P2RY1: variants seen among roughly 807,000 people sequenced by gnomAD.
P2RY1 encodes the protein P2Y purinoceptor 1.
A neutral mutation model predicts 22.8 loss-of-function variants in P2RY1; 14 were observed. That is an observed-to-expected ratio of 0.61 (90% CI 0.41 to 0.96). The LOEUF (loss-of-function observed/expected upper bound fraction) is 0.96. P2RY1 is among the 40% of genes least tolerant of loss of function. The pLI is 0.00. For synonymous variants in P2RY1, 200 were observed against 195.1 expected, an observed-to-expected ratio of 1.03 and a Z score of -0.21; for missense variants, 395 against 470.3, an observed-to-expected ratio of 0.84 and a Z score of 1.48.
rs766553956 is a variant in P2RY1, at chr3:152,835,802, C to T, written c.20C>T (p.Pro7Leu). The change falls in exon 1 of 1, where the codon CCG (proline) becomes CTG (leucine). Residue 7 changes from proline to leucine, a missense_variant. Pro to Leu is a moderately conservative substitution (Grantham distance 98). Transcript: ENST00000305097. MTEVLW[P>L]AVPNGTDAAF... ...GAGAGAATGACCGAGGTGCTGTGGC[C>T]GGCTGTCCCCAACGGGACGGACGCT... 1.2e-6 allele frequency: 2 copies of T among 1,606,398 alleles called. No individual in the cohort carries two copies. The highest frequency in any genetic ancestry group is 1.7e-6 in the Non-Finnish European group (2 of 1,177,748).
In P2RY1 at chr3:152,835,721, C is replaced by A; in HGVS notation, c.-62C>A. The A allele has an allele frequency of 1.4e-6, 2 of 1,460,574 alleles. No homozygotes were observed. Among genetic ancestry groups the A allele is most frequent in the East Asian group, 2.3e-5 (1 of 43,352 alleles). 90.5% of individuals were successfully genotyped at this position (1,460,574 alleles called of 1,614,324 possible). ...TTCCGATGCTTGCTGCGCCCCTGGC[C>A]GCCGCTGCCCTCTCGCCGCCTCCTA... On this transcript the variant is annotated 5_prime_UTR_variant, in exon 1 of 1. Transcript: ENST00000305097.
rs1716129916 is a variant in P2RY1, at chr3:152,835,595, T to C, written c.-188T>C. The C allele has an allele frequency of 6.8e-6, 4 of 588,186 alleles. No homozygotes were observed. The Admixed American group carries it at 1.4e-4, about 21-fold the overall frequency. 36.4% of individuals were successfully genotyped at this position (588,186 alleles called of 1,614,324 possible). A position where few individuals can be genotyped will look rare whatever the true frequency, so the allele number is the denominator to read the frequency against. On this transcript the variant is annotated 5_prime_UTR_variant, in exon 1 of 1. An upstream start codon of the reference 5' UTR is lost. Coordinates refer to ENST00000305097, the MANE Select transcript of P2RY1 (RefSeq NM_002563.5). The stretch of plus-strand genomic sequence containing the variant: ...CGGTGGCGGCCCGGGGCGGATTTCA[T>C]GGCCCGCGGCGAACGCGGGGCCAGA...
At position 152,836,693 on chromosome 3, in the gene P2RY1, C is replaced by T. The variant is rs868057570; in HGVS notation, c.911C>T (p.Ala304Val). The T allele has an allele frequency of 6.2e-7, 1 of 1,614,054 alleles. No individual in the cohort carries two copies. Among genetic ancestry groups the T allele is most frequent in the South Asian group, 1.1e-5 (1 of 91,072 alleles). Residue 304 changes from alanine to valine, a missense_variant, in exon 1 of 1, where the codon GCC becomes GTC. Physicochemically the swap from Ala to Val is moderately conservative, Grantham distance 64. This residue lies in a region of P2RY1 where 291 missense variants were observed against 361.6 expected (regional missense o/e 0.80). Coordinates refer to ENST00000305097, the MANE Select transcript of P2RY1 (RefSeq NM_002563.5). This position sits in a 1 kb window ranked among gnomAD's most constrained non-coding sequence, Gnocchi z 5.6. ...TGTGCTTTCAATGACAGGGTTTATG[C>T]CACGTATCAGGTGACAAGAGGTCTA... is the stretch of plus-strand genomic sequence containing the variant. ...AMCAFNDRVY[A>V]TYQVTRGLAS...
In P2RY1 at chr3:152,836,605, C is replaced by G; in HGVS notation, c.823C>G (p.Pro275Ala). 1 of 1,614,166 alleles carries G rather than the reference C, an allele frequency of 6.2e-7. No homozygotes were observed. The highest frequency in any genetic ancestry group is 8.5e-7 in the Non-Finnish European group (1 of 1,180,036). Residue 275 changes from proline (P) to alanine (A), a missense_variant, in exon 1 of 1, where the codon CCT (proline) becomes GCT (alanine). Physicochemically the swap from Pro to Ala is conservative, Grantham distance 27. Transcript: ENST00000305097. The surrounding 1 kb of genome is among the most constrained non-coding windows in gnomAD (Gnocchi z 5.6). ...GACTGTTTTTGCTGTGTCTTACATC[C>G]CTTTCCATGTGATGAAAACGATGAA... is the stretch of plus-strand genomic sequence containing the variant. ...VLTVFAVSYI[P>A]FHVMKTMNLR...
At position 152,837,922 on chromosome 3, in the gene P2RY1, T is replaced by C. The variant is rs982489769; in HGVS notation, c.*1018T>C. On this transcript the variant is annotated 3_prime_UTR_variant, in exon 1 of 1. Transcript: ENST00000305097. Reference sequence around the variant, plus strand: ...ATCCACAAGGCATAGCCTCCAAGTATACTCTCAAATGTATGAAGCAACTGG... The same window carrying C: ...ATCCACAAGGCATAGCCTCCAAGTACACTCTCAAATGTATGAAGCAACTGG... 6.0e-6 allele frequency: 1 copy of C among 167,112 alleles called. No individual in the cohort carries two copies. Among genetic ancestry groups the C allele is most frequent in the East Asian group, 1.9e-4 (1 of 5,208 alleles). The allele number at this position is 167,112 out of a possible 1,614,324, so 10.4% of individuals were successfully genotyped here.
At position 152,836,037 on chromosome 3, in the gene P2RY1, C is replaced by T. The variant is rs1308895115; in HGVS notation, c.255C>T (p.Gly85=). The T allele has an allele frequency of 3.7e-6, 6 of 1,614,216 alleles. No individual in the cohort carries two copies. Among genetic ancestry groups the T allele is most frequent in the Non-Finnish European group, 5.1e-6 (6 of 1,180,046 alleles). Residue 85 remains glycine, a synonymous_variant, in exon 1 of 1, where the codon GGC becomes GGT. Transcript: ENST00000305097. The surrounding 1 kb of genome is among the most constrained non-coding windows in gnomAD (Gnocchi z 5.6). ...MFVFHMKPWS[G]ISVYMFNLAL... ...TCTTCCACATGAAGCCCTGGAGCGG[C>T]ATCTCCGTGTACATGTTCAATTTGG...
At position 152,836,233 on chromosome 3, in the gene P2RY1, A is replaced by G. The variant is rs192495664; in HGVS notation, c.451A>G (p.Ser151Gly). The part of the protein sequence containing the change: ...FLTCISAHRY[S>G]GVVYPLKSLG... Reference sequence around the variant, plus strand: ...GACATGCATCAGTGCCCACCGGTACAGCGGTGTGGTGTACCCCCTCAAGTC... The same window carrying G: ...GACATGCATCAGTGCCCACCGGTACGGCGGTGTGGTGTACCCCCTCAAGTC... The change falls in exon 1 of 1, where the codon AGC (serine) becomes GGC (glycine). Residue 151 changes from serine to glycine, a missense_variant. Coordinates refer to ENST00000305097, the MANE Select transcript of P2RY1 (RefSeq NM_002563.5). This position sits in a 1 kb window ranked among gnomAD's most constrained non-coding sequence, Gnocchi z 5.6. The G allele has an allele frequency of 1.2e-6, 2 of 1,614,012 alleles. No individual in the cohort carries two copies. Among genetic ancestry groups the G allele is most frequent in the Non-Finnish European group, 8.5e-7 (1 of 1,180,022 alleles).
chr3:152,836,861 A>G lies in P2RY1; in HGVS notation c.1079A>G (p.Asn360Ser), dbSNP rs200589001. The G allele has an allele frequency of 3.8e-5, 61 of 1,613,030 alleles. No homozygotes were observed. Among genetic ancestry groups the G allele is most frequent in the Non-Finnish European group, 5.1e-5 (60 of 1,179,754 alleles). ...LQSKSEDMTL[N>S]ILPEFKQNGD... ...TCCAAGAGTGAAGACATGACCCTCA[A>G]TATTTTACCTGAGTTCAAGCAGAAT... Residue 360 changes from asparagine (N) to serine (S), a missense_variant, in exon 1 of 1, where the codon AAT becomes AGT. Around this residue, in one of 3 missense-constraint regions of P2RY1, gnomAD observed 291 missense variants for 361.6 expected, o/e 0.80. Coordinates refer to ENST00000305097, the MANE Select transcript of P2RY1 (RefSeq NM_002563.5). The surrounding 1 kb of genome is among the most constrained non-coding windows in gnomAD (Gnocchi z 5.6).
At position 152,836,386 on chromosome 3, in the gene P2RY1, T is replaced by A; in HGVS notation, c.604T>A (p.Cys202Ser). Residue 202 changes from cysteine (C) to serine (S), a missense_variant, in exon 1 of 1, where the codon TGT becomes AGT. Cys to Ser is a moderately radical substitution (Grantham distance 112, BLOSUM62 -1). This residue lies in a region of P2RY1 where 291 missense variants were observed against 361.6 expected (regional missense o/e 0.80). Transcript: ENST00000305097. This position sits in a 1 kb window ranked among gnomAD's most constrained non-coding sequence, Gnocchi z 5.6. ...TGVRKNKTIT[C>S]YDTTSDEYLR... ...GGTCCGCAAAAACAAAACCATCACC[T>A]GTTACGACACCACCTCAGACGAGTA... 6.2e-7 allele frequency: 1 copy of A among 1,614,150 alleles called. No homozygotes were observed. The highest frequency in any genetic ancestry group is 1.3e-5 in the African/African-American group (1 of 75,026).
rs917196417 is a variant in P2RY1, at chr3:152,840,271, A to G, written c.*3367A>G. 1.3e-5 allele frequency: 2 copies of G among 152,182 alleles called. No individual in the cohort carries two copies. The highest frequency in any genetic ancestry group is 2.9e-5 in the Non-Finnish European group (2 of 68,012). The allele number at this position is 152,182 out of a possible 1,614,324, so 9.4% of individuals were successfully genotyped here. A position where few individuals can be genotyped will look rare whatever the true frequency, so the allele number is the denominator to read the frequency against. Reference sequence around the variant, plus strand: ...TTTAAGTCTTCACATTTTTTGGTCTAAAATATGAAAATGTTTCATGATACA... The same window carrying G: ...TTTAAGTCTTCACATTTTTTGGTCTGAAATATGAAAATGTTTCATGATACA... On this transcript the variant is annotated 3_prime_UTR_variant, in exon 1 of 1. Coordinates refer to ENST00000305097, the MANE Select transcript of P2RY1 (RefSeq NM_002563.5).
rs1305474709 is a variant in P2RY1, at chr3:152,836,046, G to A, written c.264G>A (p.Val88=). 2 of 1,614,176 alleles carry A rather than the reference G, an allele frequency of 1.2e-6. No individual in the cohort carries two copies. Among genetic ancestry groups the A allele is most frequent in the Non-Finnish European group, 1.7e-6 (2 of 1,180,042 alleles). ...FHMKPWSGIS[V]YMFNLALADF... ...TGAAGCCCTGGAGCGGCATCTCCGTGTACATGTTCAATTTGGCTCTGGCCG... is the reference window on the plus strand; with the variant it reads ...TGAAGCCCTGGAGCGGCATCTCCGTATACATGTTCAATTTGGCTCTGGCCG... The change falls in exon 1 of 1, where the codon GTG becomes GTA. Residue 88 remains valine, a synonymous_variant. Coordinates refer to ENST00000305097, the MANE Select transcript of P2RY1 (RefSeq NM_002563.5). This position sits in a 1 kb window ranked among gnomAD's most constrained non-coding sequence, Gnocchi z 5.6.
Position 152,839,279 on chromosome 3 carries a change from A to G in P2RY1, c.*2375A>G, listed in dbSNP as rs538433966. 2.0e-5 allele frequency: 3 copies of G among 152,080 alleles called. No individual in the cohort carries two copies. The highest frequency in any genetic ancestry group is 2.1e-4 in the South Asian group (1 of 4,826). 9.4% of individuals were successfully genotyped at this position (152,080 alleles called of 1,614,324 possible). A position where few individuals can be genotyped will look rare whatever the true frequency, so the allele number is the denominator to read the frequency against. ...CATAGTAACAAGAATGATCTTGCCA[A>G]CTCCTTCCAAGCCAAAAGAAGCCTC... On this transcript the variant is annotated 3_prime_UTR_variant, in exon 1 of 1. Coordinates refer to ENST00000305097, the MANE Select transcript of P2RY1 (RefSeq NM_002563.5).
Position 152,836,490 on chromosome 3 carries a change from T to G in P2RY1, c.708T>G (p.Cys236Trp). The G allele has an allele frequency of 6.2e-7, 1 of 1,614,192 alleles. No homozygotes were observed. The highest frequency in any genetic ancestry group is 8.5e-7 in the Non-Finnish European group (1 of 1,180,028). ...FCVPLVLILG[C>W]YGLIVRALIY... ...TCCCCTTGGTGCTGATTCTGGGCTG[T>G]TACGGATTAATTGTGAGAGCTTTGA... Residue 236 changes from cysteine (C) to tryptophan (W), a missense_variant, in exon 1 of 1, where the codon TGT becomes TGG. Cys to Trp is a radical substitution (Grantham distance 215). Transcript: ENST00000305097. This position sits in a 1 kb window ranked among gnomAD's most constrained non-coding sequence, Gnocchi z 5.6.
chr3:152,835,540 G>A lies in P2RY1; in HGVS notation c.-243G>A. 1 of 498,490 alleles carries A rather than the reference G, an allele frequency of 2.0e-6. No homozygotes were observed. The highest frequency in any genetic ancestry group is 3.5e-6 in the Non-Finnish European group (1 of 285,366). The allele number at this position is 498,490 out of a possible 1,614,324, so 30.9% of individuals were successfully genotyped here. Reference sequence around the variant, plus strand: ...AAGCTCGGCGTTGCCAGCGGACGGAGAAGTTGCTGGCTTGCCCGATAGCCC... The same window carrying A: ...AAGCTCGGCGTTGCCAGCGGACGGAAAAGTTGCTGGCTTGCCCGATAGCCC... On this transcript the variant is annotated 5_prime_UTR_variant, in exon 1 of 1. Coordinates refer to ENST00000305097, the MANE Select transcript of P2RY1 (RefSeq NM_002563.5).
Position 152,836,811 on chromosome 3 carries a change from T to C in P2RY1, c.1029T>C (p.Ser343=), listed in dbSNP as rs777701216. The part of the protein sequence containing the change: ...RRLSRATRKA[S]RRSEANLQSK... ...TCTCCCGAGCCACAAGGAAAGCTTC[T>C]AGAAGAAGTGAGGCAAATTTGCAAT... The change falls in exon 1 of 1, where the codon TCT becomes TCC. Residue 343 remains serine, a synonymous_variant. Transcript: ENST00000305097. The surrounding 1 kb of genome is among the most constrained non-coding windows in gnomAD (Gnocchi z 5.6). 4 of 1,614,084 alleles carry C rather than the reference T, an allele frequency of 2.5e-6. No homozygotes were observed. Among genetic ancestry groups the C allele is most frequent in the African/African-American group, 1.3e-5 (1 of 75,050 alleles).
In P2RY1 at chr3:152,836,812, A is replaced by G. The variant is rs748730502; in HGVS notation, c.1030A>G (p.Arg344Gly). 6.2e-7 allele frequency: 1 copy of G among 1,614,064 alleles called. No homozygotes were observed. The highest frequency in any genetic ancestry group is 1.1e-5 in the South Asian group (1 of 91,070). ...RLSRATRKAS[R>G]RSEANLQSKS... is the part of the protein sequence containing the mutation. ...CTCCCGAGCCACAAGGAAAGCTTCT[A>G]GAAGAAGTGAGGCAAATTTGCAATC... The change falls in exon 1 of 1, where the codon AGA becomes GGA. Residue 344 changes from arginine (R) to glycine (G), a missense_variant. Coordinates refer to ENST00000305097, the MANE Select transcript of P2RY1 (RefSeq NM_002563.5). The surrounding 1 kb of genome is among the most constrained non-coding windows in gnomAD (Gnocchi z 5.6).
At position 152,838,589 on chromosome 3, in the gene P2RY1, A is replaced by T. The variant is rs1279198724; in HGVS notation, c.*1685A>T. 2 of 152,204 alleles carry T rather than the reference A, an allele frequency of 1.3e-5. No homozygotes were observed. Among genetic ancestry groups the T allele is most frequent in the African/African-American group, 4.8e-5 (2 of 41,452 alleles). 9.4% of individuals were successfully genotyped at this position (152,204 alleles called of 1,614,324 possible). A position where few individuals can be genotyped will look rare whatever the true frequency, so the allele number is the denominator to read the frequency against. On this transcript the variant is annotated 3_prime_UTR_variant, in exon 1 of 1. Coordinates refer to ENST00000305097, the MANE Select transcript of P2RY1 (RefSeq NM_002563.5). Reference sequence around the variant, plus strand: ...CCTTAGTGCCCCGTGGACCATAATGACAGGAAATTTTCAGGTCTTGATTTC... The same window carrying T: ...CCTTAGTGCCCCGTGGACCATAATGTCAGGAAATTTTCAGGTCTTGATTTC...
Position 152,835,882 on chromosome 3 carries a change from G to A in P2RY1, c.100G>A (p.Ala34Thr), listed in dbSNP as rs1208348905. 2.5e-6 allele frequency: 4 copies of A among 1,613,840 alleles called. No homozygotes were observed. Among genetic ancestry groups the A allele is most frequent in the Non-Finnish European group, 3.4e-6 (4 of 1,180,050 alleles). Residue 34 changes from alanine (A) to threonine (T), a missense_variant, in exon 1 of 1, where the codon GCC becomes ACC. By Grantham distance (58) the Ala-to-Thr change is moderately conservative. This residue lies in a region of P2RY1 where 98 missense variants were observed against 87.7 expected (regional missense o/e 1.12). Coordinates refer to ENST00000305097, the MANE Select transcript of P2RY1 (RefSeq NM_002563.5). ...SWGNSTVAST[A>T]AVSSSFKCAL... ...GGGGAACAGCACGGTCGCCTCCACT[G>A]CCGCCGTCTCCTCGTCGTTCAAATG...
chr3:152,836,172 C>T lies in P2RY1; in HGVS notation c.390C>T (p.Ile130=). 1 of 1,614,186 alleles carries T rather than the reference C, an allele frequency of 6.2e-7. No individual in the cohort carries two copies. Among genetic ancestry groups the T allele is most frequent in the Non-Finnish European group, 8.5e-7 (1 of 1,180,016 alleles). ...CCATGTGTAAACTGCAGAGGTTCAT[C>T]TTTCATGTGAACCTCTATGGCAGCA... The part of the protein sequence containing the change: ...GDAMCKLQRF[I]FHVNLYGSIL... Residue 130 remains isoleucine (I), a synonymous_variant, in exon 1 of 1, where the codon ATC becomes ATT. Transcript: ENST00000305097. This position sits in a 1 kb window ranked among gnomAD's most constrained non-coding sequence, Gnocchi z 5.6.
Sources: allele counts gnomAD v4.1 joint callset, GRCh38; gene constraint gnomAD v4.1.1; regional missense constraint gnomAD v4.1.1; non-coding constraint Gnocchi (gnomAD v3.1); transcripts MANE v1.5; gene names NCBI Gene and HGNC (gene_info 2026-07-23, HGNC 2026-07-21).